The following RBFOX1 variants were observed in gnomAD, a reference collection of about 807,000 sequenced individuals.
RBFOX1 encodes RNA binding fox-1 homolog 1, also known as RNA binding protein fox-1 homolog 1.
Under a neutral mutation model 57.7 loss-of-function variants are expected in RBFOX1, and 8 were observed. The observed-to-expected ratio is 0.14, with a 90% CI of 0.08 to 0.25. RBFOX1 has a LOEUF of 0.25. RBFOX1 is among the 10% of genes least tolerant of loss of function. The pLI is 1.00. For missense variants in RBFOX1, 611 were observed against 548.5 expected (o/e 1.11, Z -1.14); for synonymous variants, 326 against 222.4 (o/e 1.47, Z -4.15).
At chr16:5,834,758 C>G (rs1216859035) in intron 3 of RBFOX1, among the ~76,000 whole-genome samples, 2 of 149,758 alleles carry the variant, frequency 1.3e-5, no homozygotes, top group African/African-American at 2.5e-5. Context: ...TACATACATA[C>G]ATACATACAT....
chr16:6,919,105 G>T (rs959025936), intron 3 of RBFOX1, among the ~76,000 whole-genome samples: 5 of 152,090 alleles, frequency 3.3e-5, no homozygotes. Context: ...TCAGCCTACT[G>T]AGTAGCTGGG....
intron 4 of RBFOX1, among the ~76,000 whole-genome samples, chr16:7,423,391 C>G (rs755555870): frequency 6.6e-6 from 1 of 151,792 alleles, no homozygotes; most frequent in African/African-American, 2.4e-5. Context: ...GAGATAATGA[C>G]TGGTAATTGC....
chr16:7,245,592 CTT>C (rs1203204809), intron 4 of RBFOX1, among the ~76,000 whole-genome samples: 3 of 152,184 alleles, frequency 2.0e-5, no homozygotes, highest in Admixed American at 6.5e-5. Flanking sequence ...ATTTTTATAA[CTT>C]TTCTGAGAGG....
chr16:6,906,232 A>T (rs1252586957), intron 3 of RBFOX1, among the ~76,000 whole-genome samples: 1 of 137,524 alleles, frequency 7.3e-6, no homozygotes, highest in Non-Finnish European at 1.5e-5. Flanking sequence ...CCAAAAAGCA[A>T]TTTATTACCC....
intron 2 of RBFOX1, among the ~76,000 whole-genome samples, chr16:6,426,213 T>C (rs1388503763): frequency 6.6e-6 from 1 of 151,474 alleles, no homozygotes; most frequent in African/African-American, 2.4e-5. Flanking sequence ...TCTTTCCCTC[T>C]CCCTGTCTAT....
chr16:5,828,854 G>A (rs968622890), intron 3 of RBFOX1, among the ~76,000 whole-genome samples: 5 of 152,088 alleles, frequency 3.3e-5, no homozygotes, highest in Non-Finnish European at 7.4e-5. Context: ...ATTTATTGTT[G>A]TGTAATAAAT....
intron 3 of RBFOX1, among the ~76,000 whole-genome samples, chr16:5,759,845 C>G (rs2053532885): frequency 6.6e-6 from 1 of 152,060 alleles, no homozygotes; most frequent in South Asian, 2.1e-4. Context: ...GCAGGGAAGC[C>G]TTTGATACTT....
chr16:6,747,354 C>T (rs2073921020), intron 3 of RBFOX1, among the ~76,000 whole-genome samples: 1 of 152,002 alleles, frequency 6.6e-6, no homozygotes, highest in African/African-American at 2.4e-5. Context: ...TTGTAGTGAG[C>T]CAAGATGGCC....
intron 2 of RBFOX1, among the ~76,000 whole-genome samples, chr16:5,538,515 G>T (rs2044794834): frequency 6.6e-6 from 1 of 152,140 alleles, no homozygotes; most frequent in Admixed American, 6.5e-5. Context: ...CTTGAGGTTG[G>T]ACAGGCAGTT....
At chr16:5,428,675 G>A (rs573624425) in intron 1 of RBFOX1, among the ~76,000 whole-genome samples, 1 of 152,194 alleles carries the variant, frequency 6.6e-6, no homozygotes, top group Non-Finnish European at 1.5e-5. Context: ...GGGTGAGGAG[G>A]AGCTGGCCAG....
At chr16:6,629,603 G>C (rs1462856771) in intron 2 of RBFOX1, among the ~76,000 whole-genome samples, 2 of 152,124 alleles carry the variant, frequency 1.3e-5, no homozygotes, top group South Asian at 2.1e-4. Context: ...GTGTCTGGCT[G>C]CAAGATTCTT....
At chr16:5,262,716 A>G (rs2062765672) in intron 1 of RBFOX1, among the ~76,000 whole-genome samples, 1 of 152,350 alleles carries the variant, frequency 6.6e-6, no homozygotes, top group African/African-American at 2.4e-5. Context: ...ACCCAAGGAA[A>G]AGCATGGAGG....
At chr16:6,770,390 G>A (rs1468300385) in intron 3 of RBFOX1, among the ~76,000 whole-genome samples, 1 of 152,094 alleles carries the variant, frequency 6.6e-6, no homozygotes, top group Non-Finnish European at 1.5e-5. Flanking sequence ...ACTCCACTTG[G>A]ATTATTATTA....
At chr16:5,342,797 C>G (rs1326108869) in intron 1 of RBFOX1, among the ~76,000 whole-genome samples, 1 of 152,162 alleles carries the variant, frequency 6.6e-6, no homozygotes, top group Non-Finnish European at 1.5e-5. Context: ...GTCAGCAAAA[C>G]CATCTGCTTA....
At chr16:7,510,514 C>T (rs879816455) in intron 4 of RBFOX1, among the ~76,000 whole-genome samples, 7,311 of 137,454 alleles carry the variant, frequency 0.053, 241 homozygotes, top group East Asian at 0.13. Context: ...TGTGTGTGGG[C>T]GCGCGCGCAC....
chr16:6,293,541 G>A (rs1379814929), intron 1 of RBFOX1, among the ~76,000 whole-genome samples: 2 of 152,154 alleles, frequency 1.3e-5, no homozygotes, highest in African/African-American at 2.4e-5. Context: ...TCCCTTCAGG[G>A]AACTGATAAT....
At chr16:5,825,632 T>A (rs915982582) in intron 3 of RBFOX1, among the ~76,000 whole-genome samples, 1 of 152,240 alleles carries the variant, frequency 6.6e-6, no homozygotes, top group African/African-American at 2.4e-5. Context: ...TTAAGGACGT[T>A]GACAGCGTTG....
intron 3 of RBFOX1, among the ~76,000 whole-genome samples, chr16:6,865,705 C>T (rs984882854): frequency 6.6e-6 from 1 of 152,104 alleles, no homozygotes; most frequent in Non-Finnish European, 1.5e-5. Context: ...ATTTTACCTT[C>T]TCATTTTGCC....
Position 7,035,798 on chromosome 16 carries a change from TG to T in RBFOX1, c.-15-16254del, listed in dbSNP as rs552102982. Among the ~76,000 whole-genome samples the T allele has an allele frequency of 5.0e-3, 764 of 152,206 alleles. 8 individuals carry two copies. The highest frequency in any genetic ancestry group is 0.017 in the African/African-American group (721 of 41,514). ...TCCTTCCAGTTAGGATTCCTTAAGT[TG>T]GGGGTTTTAAGAGTTCATTTTGTGT... On this transcript the variant is annotated intron_variant, in intron 3 of 15. Coordinates refer to ENST00000550418, the MANE Select transcript of RBFOX1 (RefSeq NM_018723.4).
Sources: gnomAD v4.1 joint callset for allele counts (sites outside exome capture counted in the v4.1 genomes callset) on GRCh38, gnomAD v4.1.1 for gene constraint, MANE v1.5 for transcripts, NCBI Gene and HGNC (gene_info 2026-07-23, HGNC 2026-07-21) for gene names.